The following ARHGAP22 variants were observed in gnomAD, a reference collection of about 807,000 sequenced individuals.
ARHGAP22 encodes rho GTPase-activating protein 22.
Under a neutral mutation model 59.1 loss-of-function variants are expected in ARHGAP22, and 48 were observed. The observed-to-expected ratio is 0.81, with a 90% CI of 0.64 to 1.03. ARHGAP22 has a LOEUF of 1.03. ARHGAP22 is among the 50% of genes least tolerant of loss of function. The pLI, the probability that ARHGAP22 is intolerant of heterozygous loss-of-function variation, is 0.00. For synonymous variants in ARHGAP22, 445 were observed against 416.4 expected, an observed-to-expected ratio of 1.07 and a Z score of -0.84; for missense variants, 1,015 against 958.7, an observed-to-expected ratio of 1.06 and a Z score of -0.78.
At chr10:48,454,981 C>A in intron 6 of ARHGAP22, 21 bp downstream of exon 6, 1 of 1,571,496 alleles carries the variant, frequency 6.4e-7, no homozygotes, top group Non-Finnish European at 8.7e-7. Flanking sequence ...CTCCCAGGAG[C>A]TATCCCCAGG....
rs1221033505 is a variant in ARHGAP22 at position 48,446,586 on chromosome 10, T to A, written c.1902A>T (p.Arg634=). The A allele has an allele frequency of 5.8e-5, 93 of 1,614,110 alleles. No homozygotes were observed. The highest frequency in any genetic ancestry group is 7.9e-5 in the Non-Finnish European group (93 of 1,180,048). Residue 634 remains arginine, a synonymous_variant, in exon 10 of 10, where the codon CGA becomes CGT. Coordinates refer to ENST00000249601, the MANE Select transcript of ARHGAP22 (RefSeq NM_021226.4). ...CCAGTTCTTCTTCTAACCGGGACAT[T>A]CGTTTTCTCAGGTCAGCACTCCCTT... ...IEEGSADLRK[R]MSRLEEELDQ...
chr10:48,579,947 T>A (rs1024760159), intron 2 of ARHGAP22, among the ~76,000 whole-genome samples: 2 of 152,152 alleles, frequency 1.3e-5, no homozygotes, highest in African/African-American at 4.8e-5. Context: ...GCTGAATGAA[T>A]CAAAATTGAC....
At chr10:48,550,905 A>G (rs916175980) in intron 3 of ARHGAP22, among the ~76,000 whole-genome samples, 2 of 152,132 alleles carry the variant, frequency 1.3e-5, no homozygotes, top group Non-Finnish European at 2.9e-5. Context: ...ACTCTTAGTT[A>G]TTCTAACAGT....
chr10:48,503,882 T>C (rs773720740), intron 3 of ARHGAP22, among the ~76,000 whole-genome samples: 6 of 152,204 alleles, frequency 3.9e-5, no homozygotes, highest in Admixed American at 1.3e-4. Flanking sequence ...TGTGGCCTAA[T>C]AGGAAGCAGA....
intron 3 of ARHGAP22, among the ~76,000 whole-genome samples, chr10:48,551,205 G>T (rs1251746807): frequency 6.6e-6 from 1 of 152,236 alleles, no homozygotes; most frequent in African/African-American, 2.4e-5. Flanking sequence ...GCTCCTCTGG[G>T]CACTGGGGAT....
intron 1 of ARHGAP22, among the ~76,000 whole-genome samples, chr10:48,625,516 T>C (rs1185856647): frequency 6.6e-6 from 1 of 152,156 alleles, no homozygotes; most frequent in Non-Finnish European, 1.5e-5. Context: ...TTTAAAAACA[T>C]GTGCTTGATA....
At chr10:48,521,187 A>C (rs4838416) in intron 3 of ARHGAP22, among the ~76,000 whole-genome samples, 78,735 of 151,942 alleles carry the variant, frequency 0.52, 21,462 homozygotes, top group African/African-American at 0.7. Context: ...CTATTTGTGA[A>C]AACCTGTCTT....
chr10:48,505,048 ATTT>A (rs1203957982), intron 3 of ARHGAP22, among the ~76,000 whole-genome samples: 1 of 152,102 alleles, frequency 6.6e-6, no homozygotes. Context: ...CAGAAACTAC[ATTT>A]TATTATTACT....
In ARHGAP22 at chr10:48,519,626, G is replaced by C. The variant is rs887017300; in HGVS notation, c.322+35837C>G. Reference sequence around the variant, plus strand: ...ATAGGTGACAAAGTGATCCCCAGCGGCAGACCCAGGCTCACCGCACCAAAG... The same window carrying C: ...ATAGGTGACAAAGTGATCCCCAGCGCCAGACCCAGGCTCACCGCACCAAAG... On this transcript the variant is annotated intron_variant, in intron 3 of 9. Transcript: ENST00000249601. Among the ~76,000 whole-genome samples the C allele has an allele frequency of 2.0e-5, 3 of 152,260 alleles. No individual in the cohort carries two copies. The East Asian group carries it at 5.8e-4, about 29-fold the overall frequency.
chr10:48,461,821 C>T (rs1413693881), intron 4 of ARHGAP22, among the ~76,000 whole-genome samples: 4 of 152,178 alleles, frequency 2.6e-5, no homozygotes, highest in Admixed American at 2.0e-4. Flanking sequence ...GGCAAGATGC[C>T]AAAGCTCCAT....
intron 1 of ARHGAP22, among the ~76,000 whole-genome samples, chr10:48,619,548 C>T (rs2061210499): frequency 6.6e-6 from 1 of 152,098 alleles, no homozygotes; most frequent in Admixed American, 6.5e-5. Flanking sequence ...AGATTTACAG[C>T]CAACTGATTT....
At chr10:48,554,696 T>C (rs2057169714) in intron 3 of ARHGAP22, among the ~76,000 whole-genome samples, 1 of 152,276 alleles carries the variant, frequency 6.6e-6, no homozygotes, top group East Asian at 1.9e-4. Context: ...AGCCCCAGCC[T>C]CACTTCTTGG....
intron 2 of ARHGAP22, among the ~76,000 whole-genome samples, chr10:48,567,295 G>C (rs545340750): frequency 6.6e-6 from 1 of 152,312 alleles, no homozygotes; most frequent in East Asian, 1.9e-4. Flanking sequence ...CTTCCTCTCA[G>C]TCTTGTCATT....
At chr10:48,465,531 G>A (rs561945064) in intron 4 of ARHGAP22, among the ~76,000 whole-genome samples, 12 of 152,324 alleles carry the variant, frequency 7.9e-5, no homozygotes, top group Admixed American at 2.6e-4. Context: ...TTTGAAATGC[G>A]GCTTTCTCCG....
chr10:48,446,245 C>T lies in ARHGAP22; in HGVS notation c.*146G>A, dbSNP rs995393162. ...TGGAGTGTGTGGGGTCCCAAAAGTCCCCACAGTCCCCACAGAGGTATCAGG... is the reference window on the plus strand; with the variant it reads ...TGGAGTGTGTGGGGTCCCAAAAGTCTCCACAGTCCCCACAGAGGTATCAGG... On this transcript the variant is annotated 3_prime_UTR_variant, in exon 10 of 10. Coordinates refer to ENST00000249601, the MANE Select transcript of ARHGAP22 (RefSeq NM_021226.4). 20 of 824,202 alleles carry T rather than the reference C, an allele frequency of 2.4e-5. No homozygotes were observed. The Admixed American group carries it at 4.3e-4, about 18-fold the overall frequency. 51.1% of individuals were successfully genotyped at this position (824,202 alleles called of 1,614,324 possible).
intron 3 of ARHGAP22, among the ~76,000 whole-genome samples, chr10:48,504,458 G>A (rs1243766513): frequency 2.0e-5 from 3 of 152,216 alleles, no homozygotes; most frequent in Non-Finnish European, 4.4e-5. Context: ...GCCAACCAAG[G>A]TGGCAGGGAG....
At chr10:48,440,261 T>G in the ARHGAP22 span, among the ~76,000 whole-genome samples, 1 of 152,230 alleles carries the variant, frequency 6.6e-6, no homozygotes, top group Non-Finnish European at 1.5e-5. Context: ...TTCTTTGGAC[T>G]TCATTTGAAA....
intron 1 of ARHGAP22, 119 bp downstream of exon 1, chr10:48,604,644 C>T (rs941446385): frequency 6.6e-6 from 10 of 1,504,790 alleles, no homozygotes. Flanking sequence ...TATTCAGCGG[C>T]AATGGTCCCA....
At chr10:48,622,402 G>A (rs374616295) in intron 1 of ARHGAP22, among the ~76,000 whole-genome samples, 5 of 152,006 alleles carry the variant, frequency 3.3e-5, no homozygotes, top group East Asian at 1.9e-4. Flanking sequence ...TAATGAGGTT[G>A]AGCACCCTCT....
Sources: gnomAD v4.1 joint callset for allele counts (sites outside exome capture counted in the v4.1 genomes callset) on GRCh38, gnomAD v4.1.1 for gene constraint, MANE v1.5 for transcripts, NCBI Gene and HGNC (gene_info 2026-07-23, HGNC 2026-07-21) for gene names.